The following TATDN2 variants were observed in gnomAD, a reference collection of about 807,000 sequenced individuals.
TATDN2 encodes 3'-5' RNA nuclease TATDN2.
Under a neutral mutation model 60.3 loss-of-function variants are expected in TATDN2, and 44 were observed. The ratio of observed to expected loss-of-function variants is 0.73; its 90% CI spans 0.57 to 0.94. The LOEUF is 0.94. Ranked by LOEUF, TATDN2 falls within the 40% of genes least tolerant of loss-of-function variation. The probability of loss-of-function intolerance (pLI) is 0.00; values close to 1 mark genes in which losing one functional copy is unlikely to be tolerated. For synonymous variants in TATDN2, 399 were observed against 355.8 expected (o/e 1.12, Z -1.37); for missense variants, 997 against 948.0 (o/e 1.05, Z -0.68).
chr3:10,254,186 C>T (rs1698270032), intron 2 of TATDN2, among the ~76,000 whole-genome samples: 1 of 152,206 alleles, frequency 6.6e-6, no homozygotes. Flanking sequence ...TCGGGCCATG[C>T]TTCACAGACT....
intron 4 of TATDN2, among the ~76,000 whole-genome samples, chr3:10,275,450 G>A (rs1698621290): frequency 6.6e-6 from 1 of 152,170 alleles, no homozygotes; most frequent in Admixed American, 6.5e-5. Flanking sequence ...TTTTGATTGA[G>A]TAAAGGAAGC....
At chr3:10,249,759 A>C (rs866052857) in intron 2 of TATDN2, 145 bp downstream of exon 2, 1 of 1,001,380 alleles carries the variant, frequency 1.0e-6, no homozygotes, top group Non-Finnish European at 1.3e-6. Flanking sequence ...ACTCCCCCCA[A>C]ACTCGAAGAC....
At chr3:10,271,548 C>T (rs995852592) in intron 4 of TATDN2, among the ~76,000 whole-genome samples, 4 of 152,118 alleles carry the variant, frequency 2.6e-5, no homozygotes, top group African/African-American at 9.7e-5. Context: ...AGGTGATCCA[C>T]CCGCCTTGGC....
Position 10,281,121 on chromosome 3 carries a change from T to C in TATDN2, c.*1939T>C, listed in dbSNP as rs1698734087. 1 of 152,248 alleles carries C rather than the reference T, an allele frequency of 6.6e-6. No individual in the cohort carries two copies. Among genetic ancestry groups the C allele is most frequent in the African/African-American group, 2.4e-5 (1 of 41,470 alleles). The allele number at this position is 152,248 out of a possible 1,614,324, so 9.4% of individuals were successfully genotyped here. A position where few individuals can be genotyped will look rare whatever the true frequency, so the allele number is the denominator to read the frequency against. On this transcript the variant is annotated 3_prime_UTR_variant, in exon 8 of 8. Coordinates refer to ENST00000448281, the MANE Select transcript of TATDN2 (RefSeq NM_014760.4). ...ATTGTTTTTGATTCAGCTTTTTGGA[T>C]GGCTAATTGTTTTCACTGTGCTGTG...
At position 10,260,523 on chromosome 3, in the gene TATDN2, G is replaced by A. The variant is rs1233046718; in HGVS notation, c.801G>A (p.Arg267=). 3.7e-6 allele frequency: 6 copies of A among 1,614,156 alleles called. No individual in the cohort carries two copies. The highest frequency in any genetic ancestry group is 1.3e-5 in the African/African-American group (1 of 75,032). The change falls in exon 3 of 8, where the codon AGG becomes AGA. Residue 267 remains arginine, a synonymous_variant. Transcript: ENST00000448281. The part of the protein sequence containing the change: ...SMEEDKTVPE[R]SSFYDRRVVI... ...AGGAGGATAAGACAGTGCCAGAGAG[G>A]AGCAGCTTCTATGACAGGAGAGTAG...
chr3:10,271,459 G>A (rs762413300), intron 4 of TATDN2, among the ~76,000 whole-genome samples: 4 of 151,882 alleles, frequency 2.6e-5, no homozygotes, highest in Admixed American at 6.6e-5. Flanking sequence ...GATTACAGGC[G>A]TGCATCACTA....
Position 10,249,257 on chromosome 3 carries a change from T to A in TATDN2, c.57T>A (p.Cys19Ter). The A allele has an allele frequency of 6.4e-7, 1 of 1,570,390 alleles. No individual in the cohort carries two copies. ...KHNWSSTSEGCPRKRSCLREP... is the reference protein window; with the variant it reads ...KHNWSSTSEG ...ACTGGAGCAGCACGTCGGAAGGGTG[T>A]CCCCGCAAGCGCAGCTGCCTCCGGG... Residue 19 changes from cysteine (C) to a stop codon, truncating the protein, a stop_gained, in exon 2 of 8, where the codon TGT becomes TGA. Coordinates refer to ENST00000448281, the MANE Select transcript of TATDN2 (RefSeq NM_014760.4). LOFTEE classifies it high-confidence loss of function.
At chr3:10,260,930 A>G (rs1168368088) in intron 3 of TATDN2, among the ~76,000 whole-genome samples, 3 of 152,120 alleles carry the variant, frequency 2.0e-5, no homozygotes, top group Non-Finnish European at 2.9e-5. Flanking sequence ...TAAAAGGCCA[A>G]AATCACAGTG....
chr3:10,252,071 C>T (rs1414038604), intron 2 of TATDN2, among the ~76,000 whole-genome samples: 1 of 149,638 alleles, frequency 6.7e-6, no homozygotes, highest in Non-Finnish European at 1.5e-5. Context: ...TGGCATGAAC[C>T]CAGGAGGCAG....
Position 10,273,082 on chromosome 3 carries a change from C to G in TATDN2, c.1833+2067C>G, listed in dbSNP as rs115124706. ...TGCACTTAAAGGTCCATGGGGCGAC[C>G]TGCACAACAAACTGAACTAGAAGCG... On this transcript the variant is annotated intron_variant, in intron 4 of 7. Coordinates refer to ENST00000448281, the MANE Select transcript of TATDN2 (RefSeq NM_014760.4). 4.9e-3 allele frequency among the ~76,000 whole-genome samples: 745 copies of G among 152,122 alleles called. 2 individuals are homozygous for G. The highest frequency in any genetic ancestry group is 0.017 in the African/African-American group (710 of 41,494).
chr3:10,265,681 CAAAAA>C (rs60093055), intron 3 of TATDN2, among the ~76,000 whole-genome samples: 11 of 62,686 alleles, frequency 1.8e-4, no homozygotes, highest in East Asian at 1.1e-3. Flanking sequence ...GACTCCGTCT[CAAAAA>C]AAAAAAAAAA....
chr3:10,279,022 T>A lies in TATDN2; in HGVS notation c.2283T>A (p.Leu761=), dbSNP rs748704896. 4.5e-5 allele frequency: 73 copies of A among 1,614,024 alleles called. No homozygotes were observed. Among genetic ancestry groups the A allele is most frequent in the Non-Finnish European group, 6.1e-5 (72 of 1,180,010 alleles). The change falls in exon 7 of 8, where the codon CTT becomes CTA. Residue 761 remains leucine (L), a synonymous_variant. Coordinates refer to ENST00000448281, the MANE Select transcript of TATDN2 (RefSeq NM_014760.4). ...AGAACACCAGTCGCCTCTACAGTCT[T>A]TAAGCAGAGAAGGTACAGTCCTCGG... ...LRENTSRLYS[L] is the part of the protein sequence containing the mutation.
chr3:10,258,972 C>T (rs1172059499), intron 2 of TATDN2, among the ~76,000 whole-genome samples: 4 of 152,064 alleles, frequency 2.6e-5, no homozygotes, highest in African/African-American at 4.8e-5. Flanking sequence ...CAGGTTCAAG[C>T]GATTCTTGTG....
chr3:10,259,544 T>G lies in TATDN2; in HGVS notation c.415-593T>G, dbSNP rs78746065. 3.3e-3 allele frequency among the ~76,000 whole-genome samples: 507 copies of G among 152,280 alleles called. 14 individuals are homozygous for G. The South Asian group carries it at 0.058, about 17-fold the overall frequency. On this transcript the variant is annotated intron_variant, in intron 2 of 7. Coordinates refer to ENST00000448281, the MANE Select transcript of TATDN2 (RefSeq NM_014760.4). ...CTTCACTTCCGTCTTGGAGGAGGTT[T>G]GTTGTTGGGAGCAGTCTATCTTGAC...
intron 2 of TATDN2, among the ~76,000 whole-genome samples, chr3:10,256,271 T>A (rs1357193731): frequency 1.3e-5 from 2 of 152,068 alleles, no homozygotes; most frequent in Non-Finnish European, 2.9e-5. Flanking sequence ...CCTTCCACAC[T>A]CAAGCAATCC....
At chr3:10,264,319 G>A (rs1698448718) in intron 3 of TATDN2, among the ~76,000 whole-genome samples, 1 of 152,204 alleles carries the variant, frequency 6.6e-6, no homozygotes, top group Non-Finnish European at 1.5e-5. Context: ...TGGTCTGCCA[G>A]TGAGGTGTTA....
chr3:10,277,575 T>TGGGG (rs1380182607), intron 5 of TATDN2, among the ~76,000 whole-genome samples: 2 of 152,158 alleles, frequency 1.3e-5, no homozygotes, highest in Non-Finnish European at 1.5e-5. Context: ...AAAAGGAGGA[T>TGGGG]GGGGCTGTCA....
chr3:10,259,895 T>C (rs1698373540), intron 2 of TATDN2, among the ~76,000 whole-genome samples: 1 of 152,118 alleles, frequency 6.6e-6, no homozygotes. Context: ...TCATTTCAGC[T>C]CCTTCCGTCC....
intron 4 of TATDN2, among the ~76,000 whole-genome samples, chr3:10,273,720 G>A (rs1222514692): frequency 6.6e-6 from 1 of 152,234 alleles, no homozygotes; most frequent in African/African-American, 2.4e-5. Context: ...TTGGAAAATA[G>A]AGAAAAGCAA....
Sources: gnomAD v4.1 joint callset for allele counts (sites outside exome capture counted in the v4.1 genomes callset) on GRCh38, gnomAD v4.1.1 for gene constraint, MANE v1.5 for transcripts, NCBI Gene and HGNC (gene_info 2026-07-23, HGNC 2026-07-21) for gene names.